The following BMPER variants were observed in gnomAD, a reference collection of about 807,000 sequenced individuals.
The protein encoded by BMPER is BMP binding endothelial regulator.
In BMPER, 45 loss-of-function variants were observed where a neutral mutation model predicts 87.3. The ratio of observed to expected loss-of-function variants is 0.52; its 90% CI spans 0.41 to 0.66. The LOEUF (loss-of-function observed/expected upper bound fraction) is 0.66, where lower values mean the gene tolerates loss of function less well. Among genes scored for constraint, BMPER ranks in the 30% least tolerant of loss-of-function variants. The pLI is 0.00. For synonymous variants in BMPER, 326 were observed against 316.2 expected (o/e 1.03, Z -0.33); for missense variants, 784 against 867.5 (o/e 0.90, Z 1.21).
At position 34,085,928 on chromosome 7, in the gene BMPER, G is replaced by C; in HGVS notation, c.1581G>C (p.Arg527Ser). The change falls in exon 13 of 15, where the codon AGG becomes AGC. Residue 527 changes from arginine (R) to serine (S), a missense_variant. Transcript: ENST00000649409. ...FDVDDFAESWRVESNEFCNRP... is the reference protein window; with the variant it reads ...FDVDDFAESWSVESNEFCNRP... ...TGGATGACTTTGCTGAATCTTGGAG[G>C]GTGGAGTCCAATGAGTTCTGCAACA... 6.8e-6 allele frequency: 11 copies of C among 1,614,110 alleles called. No homozygotes were observed. Among genetic ancestry groups the C allele is most frequent in the Non-Finnish European group, 9.3e-6 (11 of 1,180,016 alleles).
chr7:34,036,419 G>A (rs983358768), intron 6 of BMPER, among the ~76,000 whole-genome samples: 4 of 152,044 alleles, frequency 2.6e-5, no homozygotes, highest in Non-Finnish European at 4.4e-5. Flanking sequence ...TTTATTGATC[G>A]TTTCAGAGAG....
chr7:34,098,160 C>A (rs1244558591), intron 13 of BMPER, among the ~76,000 whole-genome samples: 3 of 152,042 alleles, frequency 2.0e-5, no homozygotes, highest in Non-Finnish European at 4.4e-5. Context: ...ATAGAGACGC[C>A]AGTGTGGGGA....
At chr7:34,021,266 T>C (rs138605607) in intron 6 of BMPER, among the ~76,000 whole-genome samples, 6 of 152,176 alleles carry the variant, frequency 3.9e-5, no homozygotes, top group African/African-American at 1.4e-4. Flanking sequence ...AAATTTCCTT[T>C]ATCTAATTGA....
chr7:34,082,518 T>C (rs1789080400), intron 12 of BMPER, among the ~76,000 whole-genome samples: 1 of 152,090 alleles, frequency 6.6e-6, no homozygotes, highest in African/African-American at 2.4e-5. Flanking sequence ...ATCTTCTTAA[T>C]GTAATAATGG....
chr7:34,051,834 T>C lies in BMPER; in HGVS notation c.677-27T>C, dbSNP rs369268763. ...TGGGACATCCCCGATTCTGTCTTAC[T>C]TACACTGTGCTTCTGTTTCTCTCTA... On this transcript the variant is annotated intron_variant, in intron 7 of 14. Coordinates refer to ENST00000649409, the MANE Select transcript of BMPER (RefSeq NM_001365308.1). The C allele has an allele frequency of 8.4e-5, 131 of 1,566,084 alleles. No homozygotes were observed. The African/African-American group carries it at 1.7e-3, about 20-fold the overall frequency.
At chr7:33,968,089 C>G (rs1383116795) in intron 4 of BMPER, among the ~76,000 whole-genome samples, 4 of 152,132 alleles carry the variant, frequency 2.6e-5, no homozygotes, top group Non-Finnish European at 5.9e-5. Flanking sequence ...GCAGGAATCT[C>G]TAATTACTGT....
rs114533166 is a variant in BMPER at position 34,005,100 on chromosome 7, T to C, written c.576+30316T>C. On this transcript the variant is annotated intron_variant, in intron 6 of 14. Transcript: ENST00000649409. ...GGGGTTAGGACAGAGTGACTCTGAG[T>C]GAGAGATAAATAATGACAAGTTCTG... is the stretch of plus-strand genomic sequence containing the variant. Among the ~76,000 whole-genome samples the C allele has an allele frequency of 8.0e-3, 1,211 of 152,096 alleles. 12 individuals are homozygous for C. Among genetic ancestry groups the C allele is most frequent in the African/African-American group, 0.028 (1,143 of 41,500 alleles).
At chr7:33,988,506 A>G (rs1044954344) in intron 6 of BMPER, among the ~76,000 whole-genome samples, 4 of 152,186 alleles carry the variant, frequency 2.6e-5, no homozygotes, top group African/African-American at 9.7e-5. Flanking sequence ...GCAAGATTTC[A>G]TTTATAACCA....
In BMPER at chr7:33,966,502, T is replaced by C; in HGVS notation, c.343T>C (p.Tyr115His). 2 of 1,613,796 alleles carry C rather than the reference T, an allele frequency of 1.2e-6. No homozygotes were observed. The highest frequency in any genetic ancestry group is 1.7e-6 in the Non-Finnish European group (2 of 1,179,700). Residue 115 changes from tyrosine to histidine, a missense_variant, in exon 4 of 15, where the codon TAT (tyrosine) becomes CAT (histidine). Tyr to His is a moderately conservative substitution (Grantham distance 83, BLOSUM62 2). Coordinates refer to ENST00000649409, the MANE Select transcript of BMPER (RefSeq NM_001365308.1). ...AGGTTGCACCTATGAAGGAAATACC[T>C]ATAACAGCTCCTTCAAATGGCAGAG... is the stretch of plus-strand genomic sequence containing the variant. ...CKGCTYEGNT[Y>H]NSSFKWQSPA...
At position 34,079,006 on chromosome 7, in the gene BMPER, C is replaced by T. The variant is rs1385711275; in HGVS notation, c.1228C>T (p.Arg410Cys). ...PFQVLVKNDARRTRSFSWTKS... is the reference protein window; with the variant it reads ...PFQVLVKNDACRTRSFSWTKS... ...CCAGGTGCTGGTGAAGAACGACGCC[C>T]GCCGGACACGCTCCTTCTCGTGGAC... The change falls in exon 12 of 15, where the codon CGC becomes TGC. Residue 410 changes from arginine (R) to cysteine (C), a missense_variant. By Grantham distance (180) the Arg-to-Cys change is radical. Coordinates refer to ENST00000649409, the MANE Select transcript of BMPER (RefSeq NM_001365308.1). 3 of 1,614,192 alleles carry T rather than the reference C, an allele frequency of 1.9e-6. No homozygotes were observed. The highest frequency in any genetic ancestry group is 1.7e-5 in the Admixed American group (1 of 60,028).
intron 9 of BMPER, among the ~76,000 whole-genome samples, chr7:34,056,636 T>C (rs913143843): frequency 6.8e-6 from 1 of 147,688 alleles, no homozygotes. Flanking sequence ...TTTTTTTTTT[T>C]AGATGGAGTC....
chr7:33,942,490 G>T (rs998179650), intron 3 of BMPER, among the ~76,000 whole-genome samples: 2 of 152,158 alleles, frequency 1.3e-5, no homozygotes, highest in African/African-American at 4.8e-5. Context: ...AGGCTTCCAG[G>T]CCTGCTGTAT....
intron 2 of BMPER, among the ~76,000 whole-genome samples, chr7:33,918,801 G>A: frequency 6.6e-6 from 1 of 152,204 alleles, no homozygotes; most frequent in East Asian, 1.9e-4. Flanking sequence ...CCCACCAGAG[G>A]TCAGCTAGCC....
At chr7:33,920,420 GT>G (rs58577259) in intron 2 of BMPER, among the ~76,000 whole-genome samples, 60 of 86,398 alleles carry the variant, frequency 6.9e-4, no homozygotes, top group East Asian at 1.6e-3. Context: ...ACTCCGTTGT[GT>G]TTTTTTTTTT....
At chr7:34,055,094 A>C in intron 8 of BMPER, 69 bp from the exon 9 acceptor site, 1 of 1,604,266 alleles carries the variant, frequency 6.2e-7, no homozygotes, top group Non-Finnish European at 8.5e-7. Context: ...TTATGAAAGG[A>C]AGGCCAGGTA....
At chr7:34,110,002 G>A (rs1337824596) in intron 13 of BMPER, among the ~76,000 whole-genome samples, 2 of 152,144 alleles carry the variant, frequency 1.3e-5, no homozygotes, top group African/African-American at 2.4e-5. Context: ...GGGGGGAAAT[G>A]CCATCCAAGG....
chr7:33,929,950 C>T (rs929999041), intron 2 of BMPER, among the ~76,000 whole-genome samples: 5 of 152,172 alleles, frequency 3.3e-5, no homozygotes, highest in African/African-American at 1.2e-4. Context: ...GTTTGTGGCC[C>T]TGACTATGGA....
chr7:34,085,506 T>A (rs2127976845), intron 12 of BMPER, among the ~76,000 whole-genome samples: 1 of 152,288 alleles, frequency 6.6e-6, no homozygotes, highest in South Asian at 2.1e-4. Flanking sequence ...AAACCAGGGG[T>A]ACATAGGATG....
At chr7:34,047,226 G>T (rs1787997940) in intron 7 of BMPER, among the ~76,000 whole-genome samples, 1 of 151,904 alleles carries the variant, frequency 6.6e-6, no homozygotes, top group Non-Finnish European at 1.5e-5. Context: ...AGAGCATGAG[G>T]TTCTTTGGCT....
Sources: allele counts gnomAD v4.1 joint callset (sites outside exome capture counted in the v4.1 genomes callset), GRCh38; gene constraint gnomAD v4.1.1; transcripts MANE v1.5; gene names NCBI Gene and HGNC (gene_info 2026-07-23, HGNC 2026-07-21).